Variants in FHL2 observed in about 807,000 individuals in gnomAD.
The protein encoded by FHL2 is four and a half LIM domains protein 2.
Under a neutral mutation model 32.7 loss-of-function variants are expected in FHL2, and 20 were observed. The ratio of observed to expected loss-of-function variants is 0.61; its 90% confidence interval spans 0.43 to 0.89. The LOEUF (loss-of-function observed/expected upper bound fraction) is 0.89, where lower values mean the gene tolerates loss of function less well. Among genes scored for constraint, FHL2 ranks in the 40% least tolerant of loss-of-function variants. FHL2 has a pLI of 0.00. For missense variants in FHL2, 311 were observed against 358.6 expected (o/e 0.87, Z 1.07); for synonymous variants, 123 against 128.1 (o/e 0.96, Z 0.27).
At chr2:105,421,166 T>C (rs910537524) in intron 1 of FHL2, among the ~76,000 whole-genome samples, 4 of 152,214 alleles carry the variant, frequency 2.6e-5, no homozygotes, top group African/African-American at 9.7e-5. Context: ...GGGAAGAAAG[T>C]GAACTGTCCC....
At chr2:105,386,562 C>G in intron 2 of FHL2, 22 bp from the exon 3 acceptor site, 1 of 1,612,262 alleles carries the variant, frequency 6.2e-7, no homozygotes, top group Non-Finnish European at 8.5e-7. Flanking sequence ...AAAAGAAAAT[C>G]CAAGTCCCAT....
rs184216011 is a variant in FHL2, at chr2:105,370,545, C to T, written c.332-2806G>A. Among the ~76,000 whole-genome samples, 385 of 152,250 alleles carry T rather than the reference C, an allele frequency of 2.5e-3. 1 individual carries two copies. The highest frequency in any genetic ancestry group is 4.2e-3 in the Non-Finnish European group (284 of 68,018). Reference sequence around the variant, plus strand: ...GGGGTTACTGATGGTATTCCAGTTTCCTGATTGGTCATCAGGAAACTGACT... The same window carrying T: ...GGGGTTACTGATGGTATTCCAGTTTTCTGATTGGTCATCAGGAAACTGACT... On this transcript the variant is annotated intron_variant, in intron 4 of 6. Transcript: ENST00000530340.
At chr2:105,392,764 T>G in intron 2 of FHL2, among the ~76,000 whole-genome samples, 2 of 139,904 alleles carry the variant, frequency 1.4e-5, no homozygotes, top group African/African-American at 5.3e-5. Context: ...AGGAGGAGGG[T>G]AAATGAAATG....
rs535614826 is a variant in FHL2 at position 105,364,823 on chromosome 2, TAA to T, written c.502-1354_502-1353del. 8.5e-4 allele frequency among the ~76,000 whole-genome samples: 129 copies of T among 152,302 alleles called. 1 individual carries two copies. Among genetic ancestry groups the T allele is most frequent in the African/African-American group, 2.9e-3 (122 of 41,558 alleles). On this transcript the variant is annotated intron_variant, in intron 5 of 6. Coordinates refer to ENST00000530340, the MANE Select transcript of FHL2 (RefSeq NM_001318895.3). The stretch of plus-strand genomic sequence containing the variant: ...TGAGTAAACTGAGACTCAGAGAAAT[TAA>T]AAAGTGACTTGCCAAAGAATTCATA...
chr2:105,362,417 G>A (rs1463929635), intron 6 of FHL2, among the ~76,000 whole-genome samples: 1 of 152,154 alleles, frequency 6.6e-6, no homozygotes, highest in Non-Finnish European at 1.5e-5. Context: ...TAGGCCTAAG[G>A]GAAAGGAAAG....
At chr2:105,431,544 C>A (rs1311083118) in intron 1 of FHL2, among the ~76,000 whole-genome samples, 1 of 152,178 alleles carries the variant, frequency 6.6e-6, no homozygotes, top group Non-Finnish European at 1.5e-5. Flanking sequence ...GTGCTTGGCA[C>A]AGCTGGGTCA....
upstream of FHL2, chr2:105,399,158 GGGCGC>G: frequency 7.3e-7 from 1 of 1,363,810 alleles, no homozygotes; most frequent in Non-Finnish European, 9.4e-7. Flanking sequence ...CGCGGGGGGC[GGGCGC>G]CCCCAGGCCT....
chr2:105,412,390 G>A (rs1683819143), intron 1 of FHL2, among the ~76,000 whole-genome samples: 1 of 152,084 alleles, frequency 6.6e-6, no homozygotes, highest in South Asian at 2.1e-4. Flanking sequence ...CAGGAAAATA[G>A]AAAAAAACAA....
intron 4 of FHL2, among the ~76,000 whole-genome samples, chr2:105,367,960 G>A (rs115448433): frequency 0.025 from 3,777 of 152,304 alleles, 60 homozygotes; most frequent in Middle Eastern, 0.034. Context: ...AGAACAACAC[G>A]TGTACATTTT....
chr2:105,360,118 T>C (rs1680154634), downstream of FHL2: 1 of 152,078 alleles, frequency 6.6e-6, no homozygotes, highest in Non-Finnish European at 1.5e-5. Context: ...CAGCCTAACA[T>C]GGTGAAACCC....
At chr2:105,432,037 A>G (rs11124032) in intron 1 of FHL2, among the ~76,000 whole-genome samples, 38,164 of 152,148 alleles carry the variant, frequency 0.25, 4,823 homozygotes, top group African/African-American at 0.29. Flanking sequence ...ACTTGCCACT[A>G]TGAGTTTCCA....
intron 3 of FHL2, among the ~76,000 whole-genome samples, chr2:105,380,223 C>T (rs1209936320): frequency 6.6e-6 from 1 of 152,272 alleles, no homozygotes; most frequent in African/African-American, 2.4e-5. Context: ...TTCCCTAGAG[C>T]TTAGAGGTAG....
intron 4 of FHL2, among the ~76,000 whole-genome samples, chr2:105,372,008 T>C (rs1182202069): frequency 6.6e-6 from 1 of 152,102 alleles, no homozygotes; most frequent in Non-Finnish European, 1.5e-5. Context: ...AGCTGCCCCA[T>C]CTAAAGTCAC....
upstream of FHL2, among the ~76,000 whole-genome samples, chr2:105,399,855 G>A (rs1394269092): frequency 6.6e-6 from 1 of 152,310 alleles, no homozygotes; most frequent in Non-Finnish European, 1.5e-5. Context: ...TGCAGAAACC[G>A]GTGGACGATG....
At chr2:105,405,366 A>G (rs1021834814) in intron 1 of FHL2, among the ~76,000 whole-genome samples, 1 of 152,198 alleles carries the variant, frequency 6.6e-6, no homozygotes, top group Non-Finnish European at 1.5e-5. Context: ...TCTTCCAGGC[A>G]TTTCTGAAAT....
chr2:105,361,191 GGA>G lies in FHL2; in HGVS notation c.*90_*91del, dbSNP rs1392063589. The G allele has an allele frequency of 1.8e-5, 24 of 1,347,304 alleles. No homozygotes were observed. The African/African-American group carries it at 3.5e-4, about 20-fold the overall frequency. 83.5% of individuals were successfully genotyped at this position (1,347,304 alleles called of 1,614,324 possible). On this transcript the variant is annotated 3_prime_UTR_variant, in exon 7 of 7. Transcript: ENST00000530340. ...ACTAGAAGAAAGTCTCAATGTGGCTGGAAGAAACCAGAAGGCAAGATTGCCTG... is the reference window on the plus strand; with the variant it reads ...ACTAGAAGAAAGTCTCAATGTGGCTGAGAAACCAGAAGGCAAGATTGCCTG...
chr2:105,385,624 A>G (rs1558702342), intron 3 of FHL2, among the ~76,000 whole-genome samples: 1 of 152,190 alleles, frequency 6.6e-6, no homozygotes, highest in Non-Finnish European at 1.5e-5. Flanking sequence ...GGAGTGTTTT[A>G]GAAGCCGTTT....
chr2:105,426,691 G>A (rs529033521), intron 1 of FHL2, among the ~76,000 whole-genome samples: 23 of 152,342 alleles, frequency 1.5e-4, no homozygotes, highest in East Asian at 1.9e-4. Context: ...GCACTCAGGC[G>A]GAGATATTTT....
intron 1 of FHL2, among the ~76,000 whole-genome samples, chr2:105,412,752 G>T (rs1376254739): frequency 2.6e-5 from 4 of 152,328 alleles, no homozygotes; most frequent in African/African-American, 9.6e-5. Flanking sequence ...AGAGCCAGAG[G>T]CGGGGGCAGT....
Sources: gnomAD v4.1 joint callset for allele counts (sites outside exome capture counted in the v4.1 genomes callset) on GRCh38, gnomAD v4.1.1 for gene constraint, MANE v1.5 for transcripts, NCBI Gene and HGNC (gene_info 2026-07-23, HGNC 2026-07-21) for gene names.